BBX: variants seen among roughly 807,000 people sequenced by gnomAD.
BBX encodes the protein BBX high mobility group box domain containing.
BBX carries 30 observed loss-of-function variants against 100.2 expected under a neutral mutation model. The ratio of observed to expected loss-of-function variants is 0.30; its 90% CI spans 0.22 to 0.41. The LOEUF (loss-of-function observed/expected upper bound fraction) is 0.41, where lower values mean the gene tolerates loss of function less well. BBX is among the 10% of genes least tolerant of loss of function. BBX has a pLI of 1.00. For synonymous variants in BBX, 376 were observed against 388.1 expected (o/e 0.97, Z 0.37); for missense variants, 1,023 against 1,129.8 (o/e 0.91, Z 1.35).
intron 4 of BBX, among the ~76,000 whole-genome samples, chr3:107,711,710 T>C (rs542786815): frequency 6.6e-6 from 1 of 152,304 alleles, no homozygotes; most frequent in East Asian, 1.9e-4. Context: ...GGTTTTATTC[T>C]TCTTACTTGA....
chr3:107,558,067 A>C (rs2050208886), intron 2 of BBX, among the ~76,000 whole-genome samples: 1 of 152,204 alleles, frequency 6.6e-6, no homozygotes, highest in African/African-American at 2.4e-5. Context: ...ATGGTGCTAA[A>C]ATTTGAGATC....
chr3:107,627,506 G>A (rs1348878124), intron 2 of BBX, among the ~76,000 whole-genome samples: 1 of 152,158 alleles, frequency 6.6e-6, no homozygotes, highest in Non-Finnish European at 1.5e-5. Context: ...ATATTGATAA[G>A]TGCTGGAAGC....
At chr3:107,628,394 A>G (rs2056339727) in intron 2 of BBX, among the ~76,000 whole-genome samples, 1 of 152,064 alleles carries the variant, frequency 6.6e-6, no homozygotes, top group African/African-American at 2.4e-5. Context: ...ATGAAAAAAA[A>G]ACATATTACC....
intron 7 of BBX, among the ~76,000 whole-genome samples, chr3:107,742,227 G>C (rs1441582190): frequency 1.3e-5 from 2 of 151,704 alleles, no homozygotes; most frequent in African/African-American, 4.8e-5. Context: ...TGAAACATTT[G>C]TATCTGTTCT....
At chr3:107,619,217 A>G (rs959817787) in intron 2 of BBX, among the ~76,000 whole-genome samples, 5 of 152,132 alleles carry the variant, frequency 3.3e-5, no homozygotes, top group Non-Finnish European at 7.4e-5. Context: ...ATTTTGATTA[A>G]TATTTGCATG....
chr3:107,604,614 T>G (rs1336040996), intron 2 of BBX, among the ~76,000 whole-genome samples: 1 of 152,148 alleles, frequency 6.6e-6, no homozygotes, highest in African/African-American at 2.4e-5. Context: ...TTACATTAGT[T>G]TTTTTGGCAG....
intron 2 of BBX, among the ~76,000 whole-genome samples, chr3:107,608,686 A>G (rs1421586250): frequency 6.6e-6 from 1 of 152,102 alleles, no homozygotes; most frequent in Non-Finnish European, 1.5e-5. Flanking sequence ...CGATTCTTAC[A>G]ATCTTTGAAC....
intron 4 of BBX, 57 bp downstream of exon 4, chr3:107,710,679 G>C: frequency 6.9e-7 from 1 of 1,439,628 alleles, no homozygotes; most frequent in Non-Finnish European, 9.4e-7. Context: ...TCATAATCTA[G>C]AAACAATAGT....
intron 2 of BBX, among the ~76,000 whole-genome samples, chr3:107,590,197 G>A (rs1576417164): frequency 6.6e-6 from 1 of 152,014 alleles, no homozygotes; most frequent in Admixed American, 6.6e-5. Flanking sequence ...AATTACCTGT[G>A]TGCATTTATT....
chr3:107,544,559 G>A (rs978355865), intron 2 of BBX, among the ~76,000 whole-genome samples: 16 of 151,972 alleles, frequency 1.1e-4, no homozygotes, highest in African/African-American at 3.4e-4. Context: ...TTGTAAAATC[G>A]TTACTTTAAA....
intron 2 of BBX, among the ~76,000 whole-genome samples, chr3:107,573,567 A>G (rs936998605): frequency 3.9e-5 from 6 of 151,908 alleles, no homozygotes; most frequent in African/African-American, 1.5e-4. Flanking sequence ...CTCAAAACAA[A>G]CAAACAAACA....
chr3:107,616,005 C>CTTTTTTTTTTT (rs59614452), intron 2 of BBX, among the ~76,000 whole-genome samples: 8 of 19,248 alleles, frequency 4.2e-4, no homozygotes, highest in Non-Finnish European at 6.8e-4. Context: ...TACTCACCTG[C>CTTTTTTTTTTT]TTTTTTTTTT....
intron 13 of BBX, among the ~76,000 whole-genome samples, chr3:107,780,085 A>G (rs1350008503): frequency 6.6e-6 from 1 of 152,126 alleles, no homozygotes; most frequent in Non-Finnish European, 1.5e-5. Flanking sequence ...ACAGGTAGGG[A>G]GCTGAGCACC....
intron 2 of BBX, among the ~76,000 whole-genome samples, chr3:107,632,301 T>C (rs977042619): frequency 4.6e-5 from 7 of 152,058 alleles, no homozygotes; most frequent in African/African-American, 1.7e-4. Flanking sequence ...GCCAGGCTGG[T>C]CTCAAACTCT....
chr3:107,542,116 A>G (rs972475456), intron 2 of BBX, among the ~76,000 whole-genome samples: 2 of 152,224 alleles, frequency 1.3e-5, no homozygotes, highest in East Asian at 1.9e-4. Flanking sequence ...TTCAGGATCA[A>G]TTATTCAATT....
At chr3:107,585,189 C>T (rs193191408) in intron 2 of BBX, among the ~76,000 whole-genome samples, 76 of 152,118 alleles carry the variant, frequency 5.0e-4, no homozygotes, top group Non-Finnish European at 9.6e-4. Context: ...CTGCATTTAG[C>T]AATGTGTAGG....
chr3:107,726,929 G>T (rs1452655302), intron 5 of BBX, among the ~76,000 whole-genome samples: 1 of 151,962 alleles, frequency 6.6e-6, no homozygotes, highest in Admixed American at 6.6e-5. Flanking sequence ...GATTATAACT[G>T]CTCTATGTGA....
chr3:107,736,548 CAG>C (rs2063649181), intron 7 of BBX, among the ~76,000 whole-genome samples: 1 of 151,830 alleles, frequency 6.6e-6, no homozygotes, highest in South Asian at 2.1e-4. Flanking sequence ...TTTTATACCA[CAG>C]AGTTATCTAA....
At chr3:107,753,638 A>G (rs1160454006) in intron 9 of BBX, among the ~76,000 whole-genome samples, 1 of 152,196 alleles carries the variant, frequency 6.6e-6, no homozygotes, top group Non-Finnish European at 1.5e-5. Context: ...GCACTGCATT[A>G]GGCACAGGAT....
Sources: gnomAD v4.1 joint callset for allele counts (sites outside exome capture counted in the v4.1 genomes callset) on GRCh38, gnomAD v4.1.1 for gene constraint, MANE v1.5 for transcripts, NCBI Gene and HGNC (gene_info 2026-07-23, HGNC 2026-07-21) for gene names.